Variants in GRM4 observed in about 807,000 individuals in gnomAD.
GRM4 encodes glutamate metabotropic receptor 4.
In GRM4, 28 loss-of-function variants were observed where a neutral mutation model predicts 81.7. The ratio of observed to expected loss-of-function variants is 0.34; its 90% CI spans 0.25 to 0.47. GRM4 has a LOEUF of 0.47. Ranked by LOEUF, GRM4 falls within the 20% of genes least tolerant of loss-of-function variation. The pLI is 1.00. For missense variants in GRM4, 948 were observed against 1,290.0 expected, an observed-to-expected ratio of 0.73 and a Z score of 4.06; for synonymous variants, 488 against 528.8, an observed-to-expected ratio of 0.92 and a Z score of 1.06.
At chr6:34,044,363 G>T (rs368038250) in intron 6 of GRM4, among the ~76,000 whole-genome samples, 9 of 84,938 alleles carry the variant, frequency 1.1e-4, no homozygotes, top group African/African-American at 2.0e-4. Flanking sequence ...TATATACACA[G>T]ACACACACAT....
At chr6:34,093,736 C>T (rs1289746907) in intron 2 of GRM4, among the ~76,000 whole-genome samples, 3 of 152,170 alleles carry the variant, frequency 2.0e-5, no homozygotes, top group South Asian at 2.1e-4. Context: ...CCCCTGAGAA[C>T]GTCCATTGCC....
At chr6:34,127,700 T>A (rs933427260) in intron 2 of GRM4, among the ~76,000 whole-genome samples, 1 of 151,700 alleles carries the variant, frequency 6.6e-6, no homozygotes, top group Non-Finnish European at 1.5e-5. Flanking sequence ...CCGTGAGGAG[T>A]TGTCATGCCC....
chr6:34,072,998 A>ACACAGATACACACCACACACACACATCAC (rs1210565985), intron 3 of GRM4, among the ~76,000 whole-genome samples: 30 of 12,390 alleles, frequency 2.4e-3, no homozygotes, highest in African/African-American at 0.015. Context: ...CACACACATC[A>ACACAGATACACACCACACACACACATCAC]CACAGATACA....
At chr6:34,073,624 G>T (rs992294730) in intron 3 of GRM4, among the ~76,000 whole-genome samples, 1 of 151,762 alleles carries the variant, frequency 6.6e-6, no homozygotes, top group Non-Finnish European at 1.5e-5. Context: ...ACAAGCAGGC[G>T]GTGCCCACCG....
chr6:34,044,827 GACAT>G (rs1472694588), intron 6 of GRM4, among the ~76,000 whole-genome samples: 2 of 129,834 alleles, frequency 1.5e-5, no homozygotes, highest in Admixed American at 7.7e-5. Context: ...CACACACATA[GACAT>G]ACATACACAT....
chr6:34,029,149 T>G (rs150707823), intron 9 of GRM4, among the ~76,000 whole-genome samples: 1,697 of 152,294 alleles, frequency 0.011, 14 homozygotes, highest in East Asian at 0.026. Flanking sequence ...CCTCCAGGCC[T>G]CAGCCGCCCC....
In GRM4 at chr6:34,152,959, G is replaced by C. The variant is rs1771074496; in HGVS notation, c.312+2120C>G. Among the ~76,000 whole-genome samples, 1 of 152,108 alleles carries C rather than the reference G, an allele frequency of 6.6e-6. No individual in the cohort carries two copies. Among genetic ancestry groups the C allele is most frequent in the African/African-American group, 2.4e-5 (1 of 41,408 alleles). On this transcript the variant is annotated intron_variant, in intron 1 of 8. Transcript: ENST00000374177. The surrounding 1 kb of genome is among the most constrained non-coding windows in gnomAD (Gnocchi z 4.1). The stretch of plus-strand genomic sequence containing the variant: ...ACACCGGAGCCCTTGCTGCATGCCA[G>C]GTGCTCATCAGAGTCTCCACAACAG...
intron 6 of GRM4, among the ~76,000 whole-genome samples, chr6:34,051,088 G>A (rs1214381101): frequency 1.3e-5 from 2 of 152,194 alleles, no homozygotes; most frequent in African/African-American, 4.8e-5. Context: ...GCTTCCTCAG[G>A]TTCTCTTCAG....
intron 2 of GRM4, among the ~76,000 whole-genome samples, chr6:34,093,374 G>A (rs1414630610): frequency 6.6e-6 from 1 of 152,216 alleles, no homozygotes; most frequent in Non-Finnish European, 1.5e-5. Context: ...TCAATATCCC[G>A]ACATTCAACT....
intron 1 of GRM4, among the ~76,000 whole-genome samples, chr6:34,154,060 G>A (rs1446115554): frequency 6.6e-6 from 1 of 152,358 alleles, no homozygotes; most frequent in East Asian, 1.9e-4. Flanking sequence ...ACTCTCCCAA[G>A]TGTCACGCTC....
intron 5 of GRM4, 117 bp from the exon 6 acceptor site, chr6:34,056,801 G>T: frequency 1.8e-6 from 2 of 1,130,162 alleles, no homozygotes; most frequent in Non-Finnish European, 2.5e-6. Flanking sequence ...ACCAGGAGGA[G>T]CACATCCTCT....
chr6:34,099,720 C>T (rs1768731731), intron 2 of GRM4, among the ~76,000 whole-genome samples: 2 of 152,296 alleles, frequency 1.3e-5, no homozygotes, highest in Non-Finnish European at 2.9e-5. Flanking sequence ...CTGCCCTGTC[C>T]CCAGTGATCA....
chr6:34,110,083 G>T (rs909060779), intron 2 of GRM4, among the ~76,000 whole-genome samples: 1 of 152,138 alleles, frequency 6.6e-6, no homozygotes, highest in Non-Finnish European at 1.5e-5. Flanking sequence ...GATTCCTTGA[G>T]CCCAGGAGTT....
intron 4 of GRM4, chr6:34,061,195 G>A (rs1277327523): frequency 6.6e-6 from 1 of 152,214 alleles, no homozygotes; most frequent in Non-Finnish European, 1.5e-5. Context: ...CTCTCTGAAG[G>A]AGAGGTGACC....
At chr6:34,122,201 T>A (rs530214396) in intron 2 of GRM4, among the ~76,000 whole-genome samples, 1 of 151,602 alleles carries the variant, frequency 6.6e-6, no homozygotes, top group Admixed American at 6.5e-5. Context: ...GCCCCAACAC[T>A]CTCTCTCTGT....
chr6:34,056,369 C>T, intron 6 of GRM4, 175 bp downstream of exon 6: 2 of 606,216 alleles, frequency 3.3e-6, no homozygotes, highest in Non-Finnish European at 5.8e-6. Flanking sequence ...TGGCCCCGCC[C>T]CTCAAGGCCC....
chr6:34,150,688 C>T (rs1432743913), upstream of GRM4, among the ~76,000 whole-genome samples: 11 of 152,152 alleles, frequency 7.2e-5, no homozygotes, highest in Admixed American at 7.2e-4. Context: ...CCTTCCCCAG[C>T]CTCAGTTTCC....
intron 3 of GRM4, among the ~76,000 whole-genome samples, chr6:34,086,818 C>T (rs1267435279): frequency 1.3e-5 from 2 of 152,164 alleles, no homozygotes; most frequent in African/African-American, 4.8e-5. Flanking sequence ...GTAATATGTA[C>T]AAAGCACTTA....
In GRM4 at chr6:34,092,300, C is replaced by T. The variant is rs1768276559; in HGVS notation, c.520-201G>A. On this transcript the variant is annotated intron_variant, in intron 2 of 10. Coordinates refer to ENST00000538487, the MANE Select transcript of GRM4 (RefSeq NM_000841.4). The surrounding 1 kb of genome is among the most constrained non-coding windows in gnomAD (Gnocchi z 6.8). ...GGGGTCCCCAAAGACACCCCAACCA[C>T]ACACAGATACACACACAGGCACACA... Among the ~76,000 whole-genome samples, 1 of 152,184 alleles carries T rather than the reference C, an allele frequency of 6.6e-6. No individual in the cohort carries two copies. The highest frequency in any genetic ancestry group is 2.4e-5 in the African/African-American group (1 of 41,448).
Sources: gnomAD v4.1 joint callset for allele counts (sites outside exome capture counted in the v4.1 genomes callset) on GRCh38, gnomAD v4.1.1 for gene constraint, Gnocchi (gnomAD v3.1) non-coding constraint, MANE v1.5 for transcripts, NCBI Gene and HGNC (gene_info 2026-07-23, HGNC 2026-07-21) for gene names.